CALN1: variants seen among roughly 807,000 people sequenced by gnomAD.
CALN1 encodes calneuron 1, also known as calcium-binding protein 8.
Under a neutral mutation model 30.6 loss-of-function variants are expected in CALN1, and 17 were observed. The observed-to-expected ratio is 0.56, with a 90% CI of 0.38 to 0.83. CALN1 has a LOEUF of 0.83. Among genes scored for constraint, CALN1 ranks in the 40% least tolerant of loss-of-function variants. The pLI is 0.00. For missense variants in CALN1, 291 were observed against 354.9 expected, an observed-to-expected ratio of 0.82 and a Z score of 1.45; for synonymous variants, 156 against 131.4, an observed-to-expected ratio of 1.19 and a Z score of -1.28.
intron 5 of CALN1, among the ~76,000 whole-genome samples, chr7:71,992,089 C>T (rs1340131216): frequency 6.6e-6 from 1 of 151,966 alleles, no homozygotes; most frequent in Admixed American, 6.6e-5. Context: ...AAGACCCCTT[C>T]TCTGTTCACT....
At position 72,403,279 on chromosome 7, in the gene CALN1, T is replaced by G. The variant is rs1179769288; in HGVS notation, c.91A>C (p.Arg31=). The stretch of plus-strand genomic sequence containing the variant: ...GTGGGGAAGTCGGGGGCCTGGCTCC[T>G]CGGCGGCTCCTCTCCCCCTCCGAGG... ...GALGGGEEPP[R]SQAPDFPTWE... The change falls in exon 2 of 7, where the codon AGG becomes CGG. Residue 31 remains arginine (R), a synonymous_variant. Transcript: ENST00000395275. 3 of 1,550,348 alleles carry G rather than the reference T, an allele frequency of 1.9e-6. No individual in the cohort carries two copies. Among genetic ancestry groups the G allele is most frequent in the Non-Finnish European group, 2.6e-6 (3 of 1,146,922 alleles).
chr7:72,090,840 C>T (rs1805808899), intron 4 of CALN1, among the ~76,000 whole-genome samples: 1 of 152,090 alleles, frequency 6.6e-6, no homozygotes, highest in South Asian at 2.1e-4. Context: ...ACAAATATCT[C>T]ATGTTCTCAC....
At chr7:71,922,155 G>A (rs1216616778) in intron 5 of CALN1, among the ~76,000 whole-genome samples, 2 of 152,168 alleles carry the variant, frequency 1.3e-5, no homozygotes, top group Non-Finnish European at 2.9e-5. Context: ...CAAGCACTAT[G>A]AGCAAATAAA....
intron 5 of CALN1, among the ~76,000 whole-genome samples, chr7:71,954,239 T>C (rs1318144737): frequency 6.6e-6 from 1 of 152,054 alleles, no homozygotes. Flanking sequence ...GGGCTGATCA[T>C]GTGAGGTCAG....
intron 4 of CALN1, among the ~76,000 whole-genome samples, chr7:72,091,655 C>T (rs754119720): frequency 1.3e-5 from 2 of 152,124 alleles, no homozygotes; most frequent in Non-Finnish European, 2.9e-5. Flanking sequence ...GTTGCAAACT[C>T]TAAAGCCTAT....
At chr7:72,373,976 G>GA (rs1045426557) in intron 2 of CALN1, among the ~76,000 whole-genome samples, 4 of 152,188 alleles carry the variant, frequency 2.6e-5, no homozygotes, top group African/African-American at 9.7e-5. Flanking sequence ...TGAAAGTGCT[G>GA]AAAGGAAAGA....
At chr7:71,906,215 G>A (rs1445447920) in intron 5 of CALN1, among the ~76,000 whole-genome samples, 1 of 152,132 alleles carries the variant, frequency 6.6e-6, no homozygotes, top group Non-Finnish European at 1.5e-5. Flanking sequence ...TTTCTGGCAC[G>A]CTCTGGTGAT....
At chr7:71,971,922 C>T (rs544727522) in intron 5 of CALN1, among the ~76,000 whole-genome samples, 3 of 69,790 alleles carry the variant, frequency 4.3e-5, no homozygotes, top group African/African-American at 2.2e-4. Context: ...CAGAGTGGGA[C>T]CCTGTCTCAA....
At chr7:72,381,380 T>C (rs551916631) in intron 2 of CALN1, among the ~76,000 whole-genome samples, 10 of 152,272 alleles carry the variant, frequency 6.6e-5, no homozygotes, top group Admixed American at 5.9e-4. Context: ...TAAAGATACA[T>C]GCACATGTAT....
At chr7:72,126,116 G>A (rs1808747462) in intron 3 of CALN1, among the ~76,000 whole-genome samples, 1 of 152,076 alleles carries the variant, frequency 6.6e-6, no homozygotes, top group Non-Finnish European at 1.5e-5. Context: ...TCATTCTTAT[G>A]CCTCTGCATC....
At chr7:72,230,936 T>C (rs1794052713) in intron 3 of CALN1, among the ~76,000 whole-genome samples, 1 of 152,072 alleles carries the variant, frequency 6.6e-6, no homozygotes, top group South Asian at 2.1e-4. Flanking sequence ...AAATAAAAAA[T>C]TCATCAGTTT....
chr7:72,176,355 A>T (rs140611949), intron 3 of CALN1, among the ~76,000 whole-genome samples: 553 of 152,212 alleles, frequency 3.6e-3, no homozygotes, highest in Non-Finnish European at 5.2e-3. Flanking sequence ...TTGGCATATG[A>T]TAGAGTTTGG....
chr7:72,028,636 C>T (rs1054911938), intron 4 of CALN1, among the ~76,000 whole-genome samples: 4 of 152,236 alleles, frequency 2.6e-5, no homozygotes, highest in South Asian at 2.1e-4. Flanking sequence ...TAGGAGAGGA[C>T]GTTTGGAATT....
At chr7:71,826,481 C>A (rs552280773) in intron 5 of CALN1, among the ~76,000 whole-genome samples, 1 of 152,170 alleles carries the variant, frequency 6.6e-6, no homozygotes, top group Non-Finnish European at 1.5e-5. Context: ...CAGGAAGGTG[C>A]TTTGACCTGC....
chr7:71,924,640 T>G (rs1040501289), intron 5 of CALN1, among the ~76,000 whole-genome samples: 3 of 152,106 alleles, frequency 2.0e-5, no homozygotes, highest in South Asian at 2.1e-4. Context: ...TCTCTGTATT[T>G]TTTTTTTACT....
intron 3 of CALN1, among the ~76,000 whole-genome samples, chr7:72,151,990 C>A (rs964273775): frequency 6.7e-5 from 10 of 150,142 alleles, no homozygotes; most frequent in East Asian, 2.0e-4. Flanking sequence ...CTCACTGTAA[C>A]CTCCATCTCC....
intron 3 of CALN1, among the ~76,000 whole-genome samples, chr7:72,150,271 CAATAAATAA>C (rs1563100692): frequency 6.6e-6 from 1 of 152,070 alleles, no homozygotes; most frequent in Non-Finnish European, 1.5e-5. Flanking sequence ...TTATTTGAAT[CAATAAATAA>C]AAAGGAAACT....
the CALN1 span, among the ~76,000 whole-genome samples, chr7:72,479,842 AG>A: frequency 3.9e-5 from 6 of 152,096 alleles, no homozygotes; most frequent in Admixed American, 3.3e-4. Flanking sequence ...TGAGCCACTG[AG>A]CCCGGCTTAC....
intron 5 of CALN1, among the ~76,000 whole-genome samples, chr7:71,912,769 G>A (rs1232494253): frequency 6.6e-6 from 1 of 152,214 alleles, no homozygotes; most frequent in African/African-American, 2.4e-5. Flanking sequence ...CAGATCCCAA[G>A]AATCCATGTC....
Sources: allele counts gnomAD v4.1 joint callset (sites outside exome capture counted in the v4.1 genomes callset), GRCh38; gene constraint gnomAD v4.1.1; transcripts MANE v1.5; gene names NCBI Gene and HGNC (gene_info 2026-07-23, HGNC 2026-07-21).